The following SEMA6D variants were observed in gnomAD, a reference collection of about 807,000 sequenced individuals.
SEMA6D encodes semaphorin-6D.
Under a neutral mutation model 106.6 loss-of-function variants are expected in SEMA6D, and 35 were observed. The ratio of observed to expected loss-of-function variants is 0.33; its 90% CI spans 0.25 to 0.44. SEMA6D has a LOEUF of 0.44. Ranked by LOEUF, SEMA6D falls within the 20% of genes least tolerant of loss-of-function variation. The pLI is 1.00. For missense variants in SEMA6D, 1,185 were observed against 1,345.9 expected (o/e 0.88, Z 1.87); for synonymous variants, 499 against 487.7 (o/e 1.02, Z -0.31).
intron 1 of SEMA6D, among the ~76,000 whole-genome samples, chr15:47,192,920 A>G (rs370427199): frequency 1.3e-5 from 2 of 152,206 alleles, no homozygotes; most frequent in Non-Finnish European, 2.9e-5. Flanking sequence ...AGTATATCCA[A>G]TCCACCAAAT....
chr15:47,340,022 G>GA (rs1057315068), intron 1 of SEMA6D, among the ~76,000 whole-genome samples: 3 of 152,116 alleles, frequency 2.0e-5, no homozygotes, highest in Admixed American at 1.3e-4. Context: ...TGACCTTTGA[G>GA]AAAAAACCTA....
chr15:47,467,985 G>A (rs534399904), intron 2 of SEMA6D, among the ~76,000 whole-genome samples: 2 of 152,098 alleles, frequency 1.3e-5, no homozygotes, highest in Admixed American at 6.6e-5. Flanking sequence ...ATTGTTTTGA[G>A]ACAGTTAATG....
intron 3 of SEMA6D, among the ~76,000 whole-genome samples, chr15:47,552,167 A>G (rs1438197958): frequency 1.3e-5 from 2 of 152,160 alleles, no homozygotes; most frequent in African/African-American, 4.8e-5. Flanking sequence ...CATTCTGAAG[A>G]ATATTTTGCA....
chr15:47,507,112 G>C (rs2044067303), intron 3 of SEMA6D, among the ~76,000 whole-genome samples: 1 of 152,128 alleles, frequency 6.6e-6, no homozygotes, highest in African/African-American at 2.4e-5. Flanking sequence ...GGCATTACAG[G>C]GATTATGGAG....
At chr15:47,367,567 G>A (rs1203193054) in intron 1 of SEMA6D, among the ~76,000 whole-genome samples, 2 of 151,962 alleles carry the variant, frequency 1.3e-5, no homozygotes, top group East Asian at 3.9e-4. Context: ...CTAAACTATA[G>A]CTTAAAGTTG....
intron 4 of SEMA6D, among the ~76,000 whole-genome samples, chr15:47,692,176 C>T (rs2078601040): frequency 6.6e-6 from 1 of 152,122 alleles, no homozygotes. Flanking sequence ...GGCTTATATG[C>T]ATATTTGTTC....
intron 1 of SEMA6D, among the ~76,000 whole-genome samples, chr15:47,253,825 G>A (rs1045173972): frequency 6.6e-6 from 1 of 152,008 alleles, no homozygotes; most frequent in South Asian, 2.1e-4. Flanking sequence ...AGATTGCTTT[G>A]GCTATCCGAG....
At chr15:47,393,758 T>C (rs994756149) in intron 1 of SEMA6D, among the ~76,000 whole-genome samples, 5 of 152,198 alleles carry the variant, frequency 3.3e-5, no homozygotes, top group African/African-American at 1.2e-4. Flanking sequence ...CTTAACTCTT[T>C]ACTCATAAAT....
chr15:47,616,068 T>G (rs1828422589), intron 4 of SEMA6D, among the ~76,000 whole-genome samples: 1 of 152,220 alleles, frequency 6.6e-6, no homozygotes, highest in South Asian at 2.1e-4. Context: ...TTGTGCATAT[T>G]CAAGTATGAT....
At chr15:47,334,099 A>C (rs985486965) in intron 1 of SEMA6D, among the ~76,000 whole-genome samples, 2 of 152,162 alleles carry the variant, frequency 1.3e-5, no homozygotes, top group South Asian at 2.1e-4. Context: ...TTGCCTGTGT[A>C]ATAAATTCTC....
At chr15:47,612,208 C>G (rs559829309) in intron 4 of SEMA6D, among the ~76,000 whole-genome samples, 3 of 152,272 alleles carry the variant, frequency 2.0e-5, no homozygotes, top group African/African-American at 7.2e-5. Context: ...ACCATTGTCC[C>G]TTTGCATGTT....
upstream of SEMA6D, among the ~76,000 whole-genome samples, chr15:47,716,350 C>T (rs372023065): frequency 2.0e-4 from 31 of 152,246 alleles, no homozygotes; most frequent in South Asian, 6.4e-3. Flanking sequence ...TTGGAAGTTT[C>T]AGAAACAACG....
At chr15:47,262,848 A>T (rs1438609600) in intron 1 of SEMA6D, among the ~76,000 whole-genome samples, 1 of 152,110 alleles carries the variant, frequency 6.6e-6, no homozygotes, top group African/African-American at 2.4e-5. Context: ...ACAAAAACAG[A>T]CACATAGACA....
chr15:47,391,369 A>G (rs1017749373), intron 1 of SEMA6D, among the ~76,000 whole-genome samples: 1 of 147,296 alleles, frequency 6.8e-6, no homozygotes. Context: ...ACTCAGCTCT[A>G]AATAAGTCCT....
chr15:47,274,090 G>T (rs1179812239), intron 1 of SEMA6D: 1 of 152,078 alleles, frequency 6.6e-6, no homozygotes, highest in African/African-American at 2.4e-5. Flanking sequence ...TGCTGTGTGG[G>T]CAACTCCGTT....
intron 4 of SEMA6D, among the ~76,000 whole-genome samples, chr15:47,694,445 C>G (rs1427069436): frequency 1.3e-5 from 2 of 152,064 alleles, no homozygotes; most frequent in African/African-American, 4.8e-5. Context: ...GCCTTCACCT[C>G]CAACCCACCA....
chr15:47,309,732 C>G (rs945233907), intron 1 of SEMA6D, among the ~76,000 whole-genome samples: 1 of 152,140 alleles, frequency 6.6e-6, no homozygotes, highest in Non-Finnish European at 1.5e-5. Flanking sequence ...ATGCTCAGAA[C>G]ACTTATATTA....
intron 2 of SEMA6D, among the ~76,000 whole-genome samples, chr15:47,466,106 A>T (rs1211345647): frequency 1.3e-5 from 2 of 152,184 alleles, no homozygotes; most frequent in African/African-American, 4.8e-5. Flanking sequence ...AAATAATTAC[A>T]ATCAAGCAAA....
At chr15:47,767,601 T>C (rs1424976263) in intron 17 of SEMA6D, 2 of 152,314 alleles carry the variant, frequency 1.3e-5, no homozygotes, top group African/African-American at 2.4e-5. Context: ...GAAAAAGGCT[T>C]CAGTGGAGTG....
Sources: gnomAD v4.1 joint callset for allele counts (sites outside exome capture counted in the v4.1 genomes callset) on GRCh38, gnomAD v4.1.1 for gene constraint, MANE v1.5 for transcripts, NCBI Gene and HGNC (gene_info 2026-07-23, HGNC 2026-07-21) for gene names.